The following CADM2 variants were observed in gnomAD, a reference collection of about 807,000 sequenced individuals.
The protein encoded by CADM2 is immunoglobulin superfamily member 4D.
CADM2 carries 12 observed loss-of-function variants against 49.8 expected under a neutral mutation model. The observed-to-expected ratio is 0.24, with a 90% CI of 0.15 to 0.39. The LOEUF (loss-of-function observed/expected upper bound fraction) is 0.39. CADM2 is among the 10% of genes least tolerant of loss of function. The pLI is 1.00. For missense variants in CADM2, 378 were observed against 492.3 expected (o/e 0.77, Z 2.20); for synonymous variants, 214 against 175.4 (o/e 1.22, Z -1.74).
chr3:85,286,438 A>G (rs1397338012), intron 1 of CADM2, among the ~76,000 whole-genome samples: 4 of 152,172 alleles, frequency 2.6e-5, no homozygotes, highest in Admixed American at 2.0e-4. Context: ...TGCCAGGACT[A>G]CAATAGGGAA....
At chr3:85,976,831 A>T (rs1165852586) in intron 8 of CADM2, among the ~76,000 whole-genome samples, 1 of 151,680 alleles carries the variant, frequency 6.6e-6, no homozygotes. Flanking sequence ...AATAATTTGT[A>T]ATGTTATTTA....
At chr3:85,143,711 A>G (rs1426118473) in intron 1 of CADM2, among the ~76,000 whole-genome samples, 1 of 152,178 alleles carries the variant, frequency 6.6e-6, no homozygotes, top group East Asian at 1.9e-4. Context: ...CTAAAAAAGT[A>G]AATTCTCATC....
At chr3:85,492,680 C>A (rs1396070608) in intron 1 of CADM2, among the ~76,000 whole-genome samples, 2 of 152,070 alleles carry the variant, frequency 1.3e-5, no homozygotes, top group East Asian at 1.9e-4. Context: ...ATATTATTTT[C>A]TTATTGTAGT....
At chr3:85,284,951 T>A (rs1327262731) in intron 1 of CADM2, among the ~76,000 whole-genome samples, 1 of 152,082 alleles carries the variant, frequency 6.6e-6, no homozygotes, top group Non-Finnish European at 1.5e-5. Context: ...GATCGATTGG[T>A]AGCCTACTGA....
chr3:86,052,834 G>A (rs888202715), intron 8 of CADM2, among the ~76,000 whole-genome samples: 3 of 152,012 alleles, frequency 2.0e-5, no homozygotes, highest in African/African-American at 7.2e-5. Flanking sequence ...TTTAAGCATA[G>A]TATGTTTCTT....
intron 1 of CADM2, among the ~76,000 whole-genome samples, chr3:85,485,605 A>G (rs879774239): frequency 8.5e-5 from 13 of 152,076 alleles, no homozygotes; most frequent in Admixed American, 5.2e-4. Flanking sequence ...AAGAATTCAA[A>G]TTAACATCAG....
intron 1 of CADM2, among the ~76,000 whole-genome samples, chr3:85,483,060 A>AACATAACT (rs1272257982): frequency 6.6e-6 from 1 of 151,576 alleles, no homozygotes; most frequent in African/African-American, 2.4e-5. Context: ...CATTTCTCAA[A>AACATAACT]ACATAACTTG....
At chr3:85,317,733 C>T (rs746372168) in intron 1 of CADM2, among the ~76,000 whole-genome samples, 15 of 152,170 alleles carry the variant, frequency 9.9e-5, no homozygotes, top group Non-Finnish European at 4.4e-5. Context: ...CCATTAGGCC[C>T]CATCTCACAA....
At chr3:85,371,854 T>C (rs1330057865) in intron 1 of CADM2, among the ~76,000 whole-genome samples, 1 of 151,422 alleles carries the variant, frequency 6.6e-6, no homozygotes, top group African/African-American at 2.4e-5. Flanking sequence ...AGTCTGATTT[T>C]GGTATGAGTT....
intron 7 of CADM2, among the ~76,000 whole-genome samples, chr3:85,945,206 CA>C (rs1722505922): frequency 6.6e-6 from 1 of 152,054 alleles, no homozygotes; most frequent in Non-Finnish European, 1.5e-5. Context: ...TCGACACATA[CA>C]CCCTCCCAAG....
chr3:85,659,266 C>G (rs1034282333), intron 1 of CADM2, among the ~76,000 whole-genome samples: 8 of 151,754 alleles, frequency 5.3e-5, no homozygotes, highest in Non-Finnish European at 1.2e-4. Flanking sequence ...TCTGGCTTAC[C>G]AGAACATGTC....
chr3:85,422,750 T>G (rs1471481081), intron 1 of CADM2, among the ~76,000 whole-genome samples: 3 of 152,056 alleles, frequency 2.0e-5, no homozygotes, highest in Non-Finnish European at 4.4e-5. Context: ...GGGTGTGTCT[T>G]TTTTATTTGG....
intron 8 of CADM2, among the ~76,000 whole-genome samples, chr3:86,003,583 T>C (rs556600037): frequency 6.6e-6 from 1 of 152,312 alleles, no homozygotes; most frequent in East Asian, 1.9e-4. Flanking sequence ...CTATTATATA[T>C]GGAATAATCT....
At chr3:86,054,751 A>G (rs891066391) in intron 8 of CADM2, among the ~76,000 whole-genome samples, 1 of 151,932 alleles carries the variant, frequency 6.6e-6, no homozygotes, top group Non-Finnish European at 1.5e-5. Flanking sequence ...TTACAACTAT[A>G]TTTTACTCTT....
intron 1 of CADM2, among the ~76,000 whole-genome samples, chr3:85,432,035 C>CG (rs2036704264): frequency 6.8e-6 from 1 of 147,988 alleles, no homozygotes; most frequent in Non-Finnish European, 1.5e-5. Context: ...TAAAACAGTG[C>CG]CTAAAAGTGG....
At chr3:85,416,932 A>G (rs2035944413) in intron 1 of CADM2, among the ~76,000 whole-genome samples, 1 of 152,114 alleles carries the variant, frequency 6.6e-6, no homozygotes, top group African/African-American at 2.4e-5. Context: ...AATAGGGTGA[A>G]TCTTTATTTT....
chr3:85,251,390 T>C (rs1235517909), intron 1 of CADM2, among the ~76,000 whole-genome samples: 2 of 151,842 alleles, frequency 1.3e-5, no homozygotes, highest in African/African-American at 2.4e-5. Context: ...CAGAAACAGA[T>C]AAAAATTTTG....
intron 1 of CADM2, among the ~76,000 whole-genome samples, chr3:85,069,428 A>G (rs375439780): frequency 6.6e-6 from 1 of 152,174 alleles, no homozygotes; most frequent in South Asian, 2.1e-4. Flanking sequence ...GTGTAATCAA[A>G]AAATAATACC....
chr3:85,397,663 A>G (rs1211497332), intron 1 of CADM2, among the ~76,000 whole-genome samples: 2 of 152,198 alleles, frequency 1.3e-5, no homozygotes, highest in Non-Finnish European at 2.9e-5. Flanking sequence ...CACTTACATG[A>G]GTTATCTAGA....
Sources: allele counts gnomAD v4.1 joint callset (sites outside exome capture counted in the v4.1 genomes callset), GRCh38; gene constraint gnomAD v4.1.1; transcripts MANE v1.5; gene names NCBI Gene and HGNC (gene_info 2026-07-23, HGNC 2026-07-21).